Variants in TESK2 observed in about 807,000 individuals in gnomAD.
TESK2 encodes the protein testis associated actin remodelling kinase 2, also known as dual specificity testis-specific protein kinase 2.
TESK2 carries 39 observed loss-of-function variants against 57.1 expected under a neutral mutation model. The ratio of observed to expected loss-of-function variants is 0.68; its 90% CI spans 0.53 to 0.89. The LOEUF is 0.89. Among genes scored for constraint, TESK2 ranks in the 40% least tolerant of loss-of-function variants. The pLI is 0.00. For synonymous variants in TESK2, 249 were observed against 267.9 expected, an observed-to-expected ratio of 0.93 and a Z score of 0.69; for missense variants, 646 against 732.1, an observed-to-expected ratio of 0.88 and a Z score of 1.36.
At chr1:45,399,526 G>C (rs1317771347) in intron 3 of TESK2, among the ~76,000 whole-genome samples, 1 of 152,134 alleles carries the variant, frequency 6.6e-6, no homozygotes, top group African/African-American at 2.4e-5. Context: ...TGTTGGTCAG[G>C]GTGGTCTCAA....
chr1:45,345,925 G>A lies in TESK2; in HGVS notation c.949C>T (p.Gln317Ter), dbSNP rs372157706. Residue 317 changes from glutamine to a stop codon, truncating the protein, a stop_gained, in exon 10 of 11, where the codon CAG becomes TAG. Coordinates refer to ENST00000372086, the MANE Select transcript of TESK2 (RefSeq NM_007170.3). LOFTEE classifies it high-confidence loss of function. ...CTATCCCTCTCCTGCTCTTCTTCCT[G>A]TAGGCGGCTCAGAATTTCCTCCAGG... ...KTLEEILSRL[Q>*]EEEQERDRKL... 3.7e-6 allele frequency: 6 copies of A among 1,614,016 alleles called. No individual in the cohort carries two copies. Among genetic ancestry groups the A allele is most frequent in the Admixed American group, 3.3e-5 (2 of 60,002 alleles).
chr1:45,473,329 G>T (rs1652850212), intron 1 of TESK2, among the ~76,000 whole-genome samples: 1 of 152,114 alleles, frequency 6.6e-6, no homozygotes, highest in African/African-American at 2.4e-5. Context: ...AAAAAAGGAA[G>T]AGTATACAAA....
intron 4 of TESK2, among the ~76,000 whole-genome samples, chr1:45,357,601 C>T (rs552850511): frequency 3.3e-5 from 5 of 151,050 alleles, no homozygotes; most frequent in East Asian, 3.9e-4. Context: ...AGGCTGGGCA[C>T]GGTAGGAGGC....
At chr1:45,366,269 G>T (rs1202943569) in intron 4 of TESK2, among the ~76,000 whole-genome samples, 37 of 151,862 alleles carry the variant, frequency 2.4e-4, no homozygotes. Flanking sequence ...GGTATTTTTA[G>T]CAGAGACGGA....
At chr1:45,367,461 G>C (rs1647976622) in intron 4 of TESK2, among the ~76,000 whole-genome samples, 1 of 145,404 alleles carries the variant, frequency 6.9e-6, no homozygotes, top group Non-Finnish European at 1.5e-5. Context: ...CAATTCTCTT[G>C]CCTCAGTCTC....
chr1:45,457,539 T>C (rs756423223), intron 2 of TESK2, 25 bp downstream of exon 2: 4 of 1,601,988 alleles, frequency 2.5e-6, no homozygotes, highest in Non-Finnish European at 2.6e-6. Flanking sequence ...CAAGACAATA[T>C]GAGAAAAGCT....
rs1452061400 is a variant in TESK2 at position 45,367,677 on chromosome 1, G to A, written c.394-12228C>T. ...AAGCATTTTTTTTTTTTTTTTTTGA[G>A]ATGGAGTTTCTCTCTTGTTGCCCAG... On this transcript the variant is annotated intron_variant, in intron 4 of 10. Coordinates refer to ENST00000372086, the MANE Select transcript of TESK2 (RefSeq NM_007170.3). Among the ~76,000 whole-genome samples the A allele has an allele frequency of 5.9e-3, 719 of 121,506 alleles. 7 individuals are homozygous for A. Among genetic ancestry groups the A allele is most frequent in the African/African-American group, 0.022 (679 of 30,326 alleles). The allele number at this position is 121,506 out of a possible 152,430, so 79.7% of individuals were successfully genotyped here. A position where few individuals can be genotyped will look rare whatever the true frequency, so the allele number is the denominator to read the frequency against.
intron 4 of TESK2, among the ~76,000 whole-genome samples, chr1:45,359,791 G>A (rs1647599411): frequency 6.6e-6 from 1 of 152,104 alleles, no homozygotes; most frequent in African/African-American, 2.4e-5. Flanking sequence ...TTGAACCTTG[G>A]AGGCAGAGGT....
chr1:45,426,516 C>T (rs1650698304), intron 2 of TESK2, among the ~76,000 whole-genome samples: 1 of 152,080 alleles, frequency 6.6e-6, no homozygotes, highest in African/African-American at 2.4e-5. Context: ...AAGAAAACAT[C>T]GGGGGAAACT....
chr1:45,362,178 A>G (rs1258563038), intron 4 of TESK2, among the ~76,000 whole-genome samples: 7 of 152,174 alleles, frequency 4.6e-5, no homozygotes, highest in Admixed American at 3.3e-4. Context: ...GAAGTGTGAG[A>G]AATAAATTTT....
At chr1:45,446,168 C>CT (rs150733462) in intron 2 of TESK2, among the ~76,000 whole-genome samples, 73,012 of 143,764 alleles carry the variant, frequency 0.51, 18,388 homozygotes, top group African/African-American at 0.57. Context: ...AAAAAACTTC[C>CT]TTTTTTTTTT....
intron 5 of TESK2, 132 bp downstream of exon 5, chr1:45,355,171 G>T: frequency 1.8e-6 from 2 of 1,140,104 alleles, no homozygotes; most frequent in African/African-American, 1.6e-5. Context: ...AAAGATGTAG[G>T]CTTTCTAAGG....
intron 5 of TESK2, among the ~76,000 whole-genome samples, chr1:45,353,193 C>T (rs373501646): frequency 1.3e-5 from 2 of 152,308 alleles, no homozygotes; most frequent in East Asian, 1.9e-4. Flanking sequence ...CCACCATGCC[C>T]GGCCTGCACT....
At chr1:45,361,266 T>C (rs1647673535) in intron 4 of TESK2, among the ~76,000 whole-genome samples, 1 of 152,270 alleles carries the variant, frequency 6.6e-6, no homozygotes, top group Admixed American at 6.5e-5. Flanking sequence ...CATGTTCAGC[T>C]TTCCCGGATG....
intron 1 of TESK2, among the ~76,000 whole-genome samples, chr1:45,462,180 A>T (rs1652356077): frequency 6.6e-6 from 1 of 152,164 alleles, no homozygotes; most frequent in African/African-American, 2.4e-5. Flanking sequence ...GCAATGCGTA[A>T]GAACATGCAA....
At chr1:45,468,105 G>A (rs1420641098) in intron 1 of TESK2, among the ~76,000 whole-genome samples, 2 of 151,884 alleles carry the variant, frequency 1.3e-5, no homozygotes, top group Admixed American at 1.3e-4. Context: ...GAGCCCAGGA[G>A]GTCAAAGCTG....
intron 5 of TESK2, among the ~76,000 whole-genome samples, chr1:45,354,359 C>T (rs1219102982): frequency 1.3e-5 from 2 of 152,238 alleles, no homozygotes; most frequent in South Asian, 2.1e-4. Context: ...GGTATGGTGG[C>T]TCATGCCTGT....
At position 45,384,608 on chromosome 1, in the gene TESK2, T is replaced by TTTTTTA. The variant is rs1557551542; in HGVS notation, c.393+1303_393+1304insTAAAAA. ...CTAATTATTAATTTTTTTTTTTTTT[T>TTTTTTA]TTTTTTTTTTTTTTTTTTGTAGAGA... On this transcript the variant is annotated intron_variant, in intron 4 of 10. Transcript: ENST00000372086. Among the ~76,000 whole-genome samples, 260 of 130,354 alleles carry TTTTTTA rather than the reference T, an allele frequency of 2.0e-3. 3 individuals carry two copies. Among genetic ancestry groups the TTTTTTA allele is most frequent in the East Asian group, 3.8e-3 (18 of 4,766 alleles). 85.5% of individuals were successfully genotyped at this position (130,354 alleles called of 152,430 possible).
intron 3 of TESK2, among the ~76,000 whole-genome samples, chr1:45,417,987 T>G (rs1450931076): frequency 6.6e-6 from 1 of 152,220 alleles, no homozygotes; most frequent in Admixed American, 6.5e-5. Context: ...TGGAATAAAA[T>G]TTATTTAAAG....
Sources: gnomAD v4.1 joint callset for allele counts (sites outside exome capture counted in the v4.1 genomes callset) on GRCh38, gnomAD v4.1.1 for gene constraint, MANE v1.5 for transcripts, NCBI Gene and HGNC (gene_info 2026-07-23, HGNC 2026-07-21) for gene names.